UBE2U: variants seen among roughly 807,000 people sequenced by gnomAD.
The protein encoded by UBE2U is ubiquitin-conjugating enzyme E2 U.
Under a neutral mutation model 41.2 loss-of-function variants are expected in UBE2U, and 39 were observed. The ratio of observed to expected loss-of-function variants is 0.95; its 90% confidence interval spans 0.73 to 1.24. UBE2U has a LOEUF of 1.24. UBE2U is among the 50% of genes most tolerant of loss of function. The probability of loss-of-function intolerance (pLI) is 0.00; values close to 1 mark genes in which losing one functional copy is unlikely to be tolerated. For synonymous variants in UBE2U, 107 were observed against 117.8 expected (o/e 0.91, Z 0.60); for missense variants, 336 against 363.1 (o/e 0.93, Z 0.61).
Position 64,267,150 on chromosome 1 carries a change from A to G in UBE2U, c.896A>G (p.Glu299Gly). ...GACACAGATGAGCCCAGGGAAGAGG[A>G]AGTGGAAGATCTGATCTCCTGGACC... ...ENDTDEPREE[E>G]VEDLISWTNT... The change falls in exon 10 of 10, where the codon GAA (glutamate) becomes GGA (glycine). Residue 299 changes from glutamate (E) to glycine (G), a missense_variant. Physicochemically the swap from Glu to Gly is moderately conservative, Grantham distance 98. Coordinates refer to ENST00000371077, the MANE Select transcript of UBE2U (RefSeq NM_001366232.2). 1 of 1,549,536 alleles carries G rather than the reference A, an allele frequency of 6.5e-7. No homozygotes were observed. The highest frequency in any genetic ancestry group is 1.7e-4 in the Middle Eastern group (1 of 5,990).
At chr1:64,260,102 A>G (rs972359201) in intron 8 of UBE2U, among the ~76,000 whole-genome samples, 4 of 152,068 alleles carry the variant, frequency 2.6e-5, no homozygotes, top group Non-Finnish European at 5.9e-5. Context: ...GCTATAAGCC[A>G]TACAATGTAA....
chr1:64,218,836 G>C (rs941425330), intron 5 of UBE2U, among the ~76,000 whole-genome samples: 1 of 152,104 alleles, frequency 6.6e-6, no homozygotes, highest in Non-Finnish European at 1.5e-5. Context: ...TTTTATGTGT[G>C]TACTATCTTT....
intron 3 of UBE2U, among the ~76,000 whole-genome samples, chr1:64,208,294 A>C (rs1363840342): frequency 2.0e-5 from 3 of 152,158 alleles, no homozygotes; most frequent in Non-Finnish European, 2.9e-5. Flanking sequence ...CAAGTGTGCA[A>C]GAGTGTGTTA....
rs1644764916 is a variant in UBE2U at position 64,239,151 on chromosome 1, A to AAGG, written c.596-2499_596-2498insGAG. 7.1e-4 allele frequency among the ~76,000 whole-genome samples: 17 copies of AAGG among 23,842 alleles called. 2 individuals carry two copies. The highest frequency in any genetic ancestry group is 3.7e-3 in the African/African-American group (17 of 4,584). The allele number at this position is 23,842 out of a possible 152,430, so 15.6% of individuals were successfully genotyped here. A position where few individuals can be genotyped will look rare whatever the true frequency, so the allele number is the denominator to read the frequency against. On this transcript the variant is annotated intron_variant, in intron 7 of 9. Transcript: ENST00000371077. ...GAAGAAGAAGAAGAAGAAGAAGAAG[A>AAGG]AGAAGAAAGAAGAAGAAGAAGAAGA...
intron 7 of UBE2U, among the ~76,000 whole-genome samples, chr1:64,232,899 T>C (rs1644596322): frequency 6.6e-6 from 1 of 151,928 alleles, no homozygotes; most frequent in African/African-American, 2.4e-5. Context: ...GGCACAATAA[T>C]AGCTAACTGC....
chr1:64,255,387 T>G (rs1645074164), intron 8 of UBE2U, among the ~76,000 whole-genome samples: 1 of 151,820 alleles, frequency 6.6e-6, no homozygotes, highest in Admixed American at 6.6e-5. Context: ...CAAAAAAAAT[T>G]GAAAAGAAGA....
At chr1:64,221,853 A>G (rs944621946) in intron 6 of UBE2U, among the ~76,000 whole-genome samples, 5 of 152,116 alleles carry the variant, frequency 3.3e-5, no homozygotes, top group Admixed American at 1.3e-4. Flanking sequence ...TTGGGAGGCC[A>G]AGGCGGGTGG....
chr1:64,252,115 A>C (rs796198601), intron 8 of UBE2U, among the ~76,000 whole-genome samples: 1 of 152,162 alleles, frequency 6.6e-6, no homozygotes, highest in African/African-American at 2.4e-5. Context: ...CCCCACCAAC[A>C]CAACACACCT....
chr1:64,237,322 A>AG (rs1213140950), intron 7 of UBE2U, among the ~76,000 whole-genome samples: 4 of 149,484 alleles, frequency 2.7e-5, no homozygotes, highest in Admixed American at 6.7e-5. Flanking sequence ...AAAAAAAAAA[A>AG]GCAGAGTAGA....
intron 4 of UBE2U, among the ~76,000 whole-genome samples, chr1:64,214,427 A>G (rs991547338): frequency 3.9e-5 from 6 of 152,242 alleles, no homozygotes; most frequent in South Asian, 2.1e-4. Context: ...TACATTTTCA[A>G]TTATCACACT....
intron 4 of UBE2U, among the ~76,000 whole-genome samples, chr1:64,213,954 T>C (rs1402764707): frequency 1.3e-5 from 2 of 152,266 alleles, no homozygotes; most frequent in Admixed American, 6.5e-5. Context: ...TATCTAAATA[T>C]AGAAAAAGTA....
chr1:64,217,323 A>G (rs1183805258), intron 5 of UBE2U, among the ~76,000 whole-genome samples: 2 of 152,160 alleles, frequency 1.3e-5, no homozygotes, highest in Admixed American at 6.5e-5. Flanking sequence ...CTTCCAACCT[A>G]TTGTTCAACT....
intron 3 of UBE2U, among the ~76,000 whole-genome samples, chr1:64,210,397 T>C (rs1194007072): frequency 1.3e-5 from 2 of 152,058 alleles, no homozygotes; most frequent in Non-Finnish European, 2.9e-5. Flanking sequence ...CCATTTCCAG[T>C]CTGGGGGAAG....
chr1:64,261,017 A>G (rs973348949), intron 9 of UBE2U, among the ~76,000 whole-genome samples: 1 of 152,222 alleles, frequency 6.6e-6, no homozygotes. Context: ...GCACTAATAA[A>G]CTGATCCCTA....
intron 8 of UBE2U, among the ~76,000 whole-genome samples, chr1:64,249,515 C>G (rs1417204759): frequency 6.6e-6 from 1 of 151,222 alleles, no homozygotes; most frequent in Non-Finnish European, 1.5e-5. Context: ...GACTTTAAAG[C>G]AGCTACTATA....
At chr1:64,225,399 C>A (rs937223306) in intron 6 of UBE2U, among the ~76,000 whole-genome samples, 3 of 152,088 alleles carry the variant, frequency 2.0e-5, no homozygotes, top group Non-Finnish European at 2.9e-5. Context: ...TAGGCTGGGC[C>A]AAATCACTTA....
In UBE2U at chr1:64,267,103, T is replaced by G; in HGVS notation, c.849T>G (p.Ser283Arg). 1 of 1,549,554 alleles carries G rather than the reference T, an allele frequency of 6.5e-7. No homozygotes were observed. Among genetic ancestry groups the G allele is most frequent in the Non-Finnish European group, 8.7e-7 (1 of 1,146,746 alleles). Residue 283 changes from serine (S) to arginine (R), a missense_variant, in exon 10 of 10, where the codon AGT becomes AGG. Physicochemically the swap from Ser to Arg is moderately radical, Grantham distance 110 (BLOSUM62 -1). Coordinates refer to ENST00000371077, the MANE Select transcript of UBE2U (RefSeq NM_001366232.2). ...AAACAGAAGAGGAGGGGTGGAAGAG[T>G]GACACTTCATTATATGAAAATGACA... ...IYETEEEGWK[S>R]DTSLYENDTD...
chr1:64,205,553 T>C, intron 1 of UBE2U, 86 bp from the exon 2 acceptor site: 2 of 1,064,784 alleles, frequency 1.9e-6, no homozygotes, highest in Non-Finnish European at 2.7e-6. Flanking sequence ...GTTTTTAGAA[T>C]TCAGTGTGAC....
chr1:64,215,964 C>T (rs1054472747), intron 5 of UBE2U, among the ~76,000 whole-genome samples: 1 of 152,180 alleles, frequency 6.6e-6, no homozygotes, highest in African/African-American at 2.4e-5. Context: ...TAGCACACAG[C>T]AACCTTGCAT....
Sources: gnomAD v4.1 joint callset for allele counts (sites outside exome capture counted in the v4.1 genomes callset) on GRCh38, gnomAD v4.1.1 for gene constraint, MANE v1.5 for transcripts, NCBI Gene and HGNC (gene_info 2026-07-23, HGNC 2026-07-21) for gene names.